Variants in CAMSAP1 observed in about 807,000 individuals in gnomAD.
CAMSAP1 encodes the protein calmodulin-regulated spectrin-associated protein 1.
A neutral mutation model predicts 143.5 loss-of-function variants in CAMSAP1; 58 were observed. That is an observed-to-expected ratio of 0.40 (90% CI 0.33 to 0.50). CAMSAP1 has a LOEUF of 0.50. Ranked by LOEUF, CAMSAP1 falls within the 20% of genes least tolerant of loss-of-function variation. The pLI is 0.45. For missense variants in CAMSAP1, 1,969 were observed against 2,115.7 expected, an observed-to-expected ratio of 0.93 and a Z score of 1.36; for synonymous variants, 945 against 859.3, an observed-to-expected ratio of 1.10 and a Z score of -1.74.
chr9:135,896,252 C>G (rs1838447985), intron 1 of CAMSAP1, among the ~76,000 whole-genome samples: 1 of 151,836 alleles, frequency 6.6e-6, no homozygotes, highest in African/African-American at 2.4e-5. Context: ...TTAAAAAAAG[C>G]AGAACTACAT....
At chr9:135,867,422 A>G (rs1837415333) in intron 3 of CAMSAP1, among the ~76,000 whole-genome samples, 1 of 151,722 alleles carries the variant, frequency 6.6e-6, no homozygotes, top group Non-Finnish European at 1.5e-5. Context: ...AGGCACGAAG[A>G]TCACTTGAGT....
chr9:135,860,315 T>C (rs1837136419), intron 5 of CAMSAP1, among the ~76,000 whole-genome samples: 1 of 144,998 alleles, frequency 6.9e-6, no homozygotes. Context: ...GAAGGTCCCA[T>C]GGCCAGGCGC....
At position 135,822,243 on chromosome 9, in the gene CAMSAP1, G is replaced by A. The variant is rs1234882685; in HGVS notation, c.2418C>T (p.Ser806=). ...TCATCTTCACGCTCCCACTCGCCAT[G>A]GAGACACTGCTCATCTGAGAGGCTG... The part of the protein sequence containing the change: ...LSTASQMSSV[S]MASGSVKMTS... Residue 806 remains serine (S), a synonymous_variant, in exon 11 of 17, where the codon TCC becomes TCT. Transcript: ENST00000389532. This position sits in a 1 kb window ranked among gnomAD's most constrained non-coding sequence, Gnocchi z 6.1. 6.2e-7 allele frequency: 1 copy of A among 1,613,874 alleles called. No individual in the cohort carries two copies. The highest frequency in any genetic ancestry group is 8.5e-7 in the Non-Finnish European group (1 of 1,179,906).
At chr9:135,860,542 G>A (rs1837146235) in intron 5 of CAMSAP1, among the ~76,000 whole-genome samples, 1 of 144,642 alleles carries the variant, frequency 6.9e-6, no homozygotes, top group Admixed American at 7.1e-5. Flanking sequence ...AGGTTGCAGT[G>A]AGCCAAGATC....
rs551716894 is a variant in CAMSAP1 at position 135,838,661 on chromosome 9, C to A, written c.1046-11077G>T. On this transcript the variant is annotated intron_variant, in intron 7 of 16. Transcript: ENST00000389532. ...CCCGTTCTACAGACACACATCATCA[C>A]GCACTTTCCACCCGTTCTACAGACA... Among the ~76,000 whole-genome samples, 166 of 148,184 alleles carry A rather than the reference C, an allele frequency of 1.1e-3. 1 individual carries two copies. The highest frequency in any genetic ancestry group is 4.0e-3 in the African/African-American group (159 of 39,700).
chr9:135,860,026 A>C (rs1837122811), intron 5 of CAMSAP1, among the ~76,000 whole-genome samples: 1 of 148,914 alleles, frequency 6.7e-6, no homozygotes. Context: ...GCAACATGGC[A>C]AAACCCTATC....
chr9:135,852,177 T>C (rs946677590), intron 5 of CAMSAP1, among the ~76,000 whole-genome samples: 1 of 152,236 alleles, frequency 6.6e-6, no homozygotes, highest in African/African-American at 2.4e-5. Context: ...TGCCTTGGGC[T>C]GTGCATCTTT....
chr9:135,866,563 G>A, intron 3 of CAMSAP1, 27 bp from the exon 4 acceptor site: 2 of 1,064,926 alleles, frequency 1.9e-6, no homozygotes, highest in Non-Finnish European at 2.8e-6. Flanking sequence ...ATGCATTAAA[G>A]AGGTAATTGC....
At position 135,819,013 on chromosome 9, in the gene CAMSAP1, G is replaced by A. The variant is rs1488297534; in HGVS notation, c.3956C>T (p.Ala1319Val). ...EAEVELKRDE[A>V]RRKAEEDRVR... ...TCCCCCCCGGCGGGACGCTTACCGG[G>A]CTTCGTCACGCTTGAGCTCCACCTC... Residue 1319 changes from alanine (A) to valine (V), a missense_variant, in exon 12 of 17, where the codon GCC becomes GTC. Around this residue, in one of 4 missense-constraint regions of CAMSAP1, gnomAD observed 1,390 missense variants for 1,420.8 expected, o/e 0.98. Transcript: ENST00000389532. 1 of 1,605,886 alleles carries A rather than the reference G, an allele frequency of 6.2e-7. No homozygotes were observed. The highest frequency in any genetic ancestry group is 8.5e-7 in the Non-Finnish European group (1 of 1,178,912).
chr9:135,829,050 G>C (rs1355858158), intron 7 of CAMSAP1, among the ~76,000 whole-genome samples: 2 of 152,286 alleles, frequency 1.3e-5, no homozygotes, highest in South Asian at 2.1e-4. Flanking sequence ...TCCAAGAATG[G>C]CTAAAAGGAA....
chr9:135,880,475 G>A (rs1053218686), intron 3 of CAMSAP1, among the ~76,000 whole-genome samples: 5 of 152,172 alleles, frequency 3.3e-5, no homozygotes, highest in African/African-American at 1.2e-4. Flanking sequence ...ATAAGGAAAT[G>A]TAAGGAGTCT....
Position 135,846,363 on chromosome 9 carries a change from T to C in CAMSAP1, c.1045+3774A>G, listed in dbSNP as rs970226354. Among the ~76,000 whole-genome samples the C allele has an allele frequency of 2.6e-5, 4 of 152,162 alleles. No individual in the cohort carries two copies. In the South Asian group the frequency reaches 6.2e-4, roughly 24 times the overall value. The stretch of plus-strand genomic sequence containing the variant: ...ATTTGGATCCCTTCCTTACACCTTA[T>C]ACAAAAATTAACTCAAGACAGATTA... On this transcript the variant is annotated intron_variant, in intron 7 of 16. Transcript: ENST00000389532.
At chr9:135,852,489 G>A (rs192280287) in intron 5 of CAMSAP1, among the ~76,000 whole-genome samples, 15 of 152,102 alleles carry the variant, frequency 9.9e-5, no homozygotes, top group Admixed American at 9.2e-4. Flanking sequence ...TCTTTACTCC[G>A]AGGAAGGGGT....
chr9:135,903,697 A>G (rs1838682726), intron 1 of CAMSAP1, among the ~76,000 whole-genome samples: 1 of 152,244 alleles, frequency 6.6e-6, no homozygotes, highest in South Asian at 2.1e-4. Context: ...AGCCTTTAAC[A>G]AGTTAAATAT....
rs1276901621 is a variant in CAMSAP1 at position 135,809,153 on chromosome 9, CTG to C, written c.*2154_*2155del. 6.6e-6 allele frequency: 1 copy of C among 152,202 alleles called. No individual in the cohort carries two copies. Among genetic ancestry groups the C allele is most frequent in the African/African-American group, 2.4e-5 (1 of 41,436 alleles). 9.4% of individuals were successfully genotyped at this position (152,202 alleles called of 1,614,324 possible). On this transcript the variant is annotated 3_prime_UTR_variant, in exon 17 of 17. Coordinates refer to ENST00000389532, the MANE Select transcript of CAMSAP1 (RefSeq NM_015447.4). ...AAAAGCACCACCACGAAAATTAATC[CTG>C]TGTCTGAAACTTTTCAAGACTAATT...
At chr9:135,862,675 C>T (rs1233597781) in intron 4 of CAMSAP1, 67 bp from the exon 5 acceptor site, 1 of 1,478,136 alleles carries the variant, frequency 6.8e-7, no homozygotes, top group African/African-American at 1.4e-5. Flanking sequence ...ATGTTACAGG[C>T]ACACTGTTAG....
chr9:135,884,827 A>G (rs779632817), intron 1 of CAMSAP1, among the ~76,000 whole-genome samples: 8 of 152,190 alleles, frequency 5.3e-5, no homozygotes, highest in Non-Finnish European at 1.2e-4. Context: ...CCGGAGTGAG[A>G]CGTCCCAGGA....
chr9:135,812,706 C>T (rs553824127), intron 16 of CAMSAP1, among the ~76,000 whole-genome samples: 2 of 152,300 alleles, frequency 1.3e-5, no homozygotes, highest in Non-Finnish European at 2.9e-5. Flanking sequence ...CTGTGGCTCA[C>T]GCCTGTAATC....
chr9:135,819,200 A>G, intron 11 of CAMSAP1, 54 bp from the exon 12 acceptor site: 1 of 1,551,212 alleles, frequency 6.4e-7, no homozygotes, highest in South Asian at 1.2e-5. Flanking sequence ...GACGCCGGAC[A>G]CGGCCGCACT....
Sources: gnomAD v4.1 joint callset for allele counts (sites outside exome capture counted in the v4.1 genomes callset) on GRCh38, gnomAD v4.1.1 for gene constraint, gnomAD v4.1.1 regional missense constraint, Gnocchi (gnomAD v3.1) non-coding constraint, MANE v1.5 for transcripts, NCBI Gene and HGNC (gene_info 2026-07-23, HGNC 2026-07-21) for gene names.